PDCD6IP: variants seen among roughly 807,000 people sequenced by gnomAD.
PDCD6IP encodes the protein programmed cell death 6 interacting protein.
A neutral mutation model predicts 103.7 loss-of-function variants in PDCD6IP; 43 were observed. The ratio of observed to expected loss-of-function variants is 0.41; its 90% confidence interval spans 0.32 to 0.53. The LOEUF is 0.53. PDCD6IP is among the 20% of genes least tolerant of loss of function. PDCD6IP has a pLI of 0.16. For missense variants in PDCD6IP, 871 were observed against 1,036.7 expected (o/e 0.84, Z 2.20); for synonymous variants, 354 against 378.7 (o/e 0.93, Z 0.76).
chr3:33,799,141 C>T (rs1225564325), intron 1 of PDCD6IP: 5 of 597,754 alleles, frequency 8.4e-6, no homozygotes, highest in African/African-American at 3.7e-5. Context: ...CTTGTCCTGC[C>T]TGCACGTCTG....
intron 12 of PDCD6IP, among the ~76,000 whole-genome samples, chr3:33,847,525 T>C (rs1420619669): frequency 6.6e-6 from 1 of 152,228 alleles, no homozygotes; most frequent in East Asian, 1.9e-4. Flanking sequence ...TAATAGTTGA[T>C]GACGGATTTT....
At chr3:33,846,735 G>A (rs1197385218) in intron 12 of PDCD6IP, among the ~76,000 whole-genome samples, 1 of 152,184 alleles carries the variant, frequency 6.6e-6, no homozygotes, top group Non-Finnish European at 1.5e-5. Flanking sequence ...TTTTACTCCT[G>A]ATTTCTTGTG....
chr3:33,848,899 A>G (rs1310418494), intron 12 of PDCD6IP, among the ~76,000 whole-genome samples: 2 of 152,196 alleles, frequency 1.3e-5, no homozygotes, highest in African/African-American at 2.4e-5. Flanking sequence ...TTCATTTTTT[A>G]AATGGCTGAA....
intron 2 of PDCD6IP, chr3:33,813,324 A>G (rs973806960): frequency 1.1e-4 from 42 of 380,196 alleles, no homozygotes; most frequent in Middle Eastern, 1.4e-3. Context: ...GATGAATAAG[A>G]TAGTGTTTAT....
intron 7 of PDCD6IP, among the ~76,000 whole-genome samples, chr3:33,832,879 C>T (rs761622365): frequency 6.6e-6 from 1 of 151,918 alleles, no homozygotes; most frequent in Non-Finnish European, 1.5e-5. Flanking sequence ...GCATGTGTTT[C>T]TTCATATGAA....
chr3:33,859,304 G>A (rs949447915), intron 15 of PDCD6IP, among the ~76,000 whole-genome samples: 3 of 151,884 alleles, frequency 2.0e-5, no homozygotes, highest in Non-Finnish European at 4.4e-5. Flanking sequence ...TAATAAAGCT[G>A]GGATGAGCAG....
intron 3 of PDCD6IP, among the ~76,000 whole-genome samples, chr3:33,816,106 T>C (rs1575907393): frequency 6.6e-6 from 1 of 152,216 alleles, no homozygotes; most frequent in East Asian, 1.9e-4. Flanking sequence ...GTATTAGTAT[T>C]ACCTGGGAAA....
intron 6 of PDCD6IP, chr3:33,827,063 A>T (rs978799156): frequency 2.0e-6 from 2 of 985,278 alleles, no homozygotes; most frequent in African/African-American, 3.5e-5. Context: ...CAGTTTTGCC[A>T]ACAGGGATAA....
intron 15 of PDCD6IP, among the ~76,000 whole-genome samples, chr3:33,857,505 CAA>C (rs1697855458): frequency 1.3e-5 from 2 of 152,078 alleles, no homozygotes; most frequent in African/African-American, 4.8e-5. Context: ...AAAAACCTAA[CAA>C]AGATTAATAC....
intron 5 of PDCD6IP, 91 bp downstream of exon 5, chr3:33,825,431 C>A: frequency 1.8e-6 from 2 of 1,136,258 alleles, no homozygotes; most frequent in Non-Finnish European, 2.5e-6. Flanking sequence ...TGTTCAATGT[C>A]GAGCTGTCCT....
chr3:33,867,171 A>G lies in PDCD6IP; in HGVS notation c.*646A>G, dbSNP rs1698084475. ...TTTACAGGGAAATCAAAAGAATATT[A>G]TCATACTTTATCTTTCGTATGCTGA... is the stretch of plus-strand genomic sequence containing the variant. On this transcript the variant is annotated 3_prime_UTR_variant, in exon 18 of 18. Transcript: ENST00000307296. 1 of 152,180 alleles carries G rather than the reference A, an allele frequency of 6.6e-6. No homozygotes were observed. The highest frequency in any genetic ancestry group is 6.5e-5 in the Admixed American group (1 of 15,270). 9.4% of individuals were successfully genotyped at this position (152,180 alleles called of 1,614,324 possible).
At chr3:33,842,113 G>A (rs1472813508) in intron 10 of PDCD6IP, 39 bp downstream of exon 10, 1 of 1,161,798 alleles carries the variant, frequency 8.6e-7, no homozygotes, top group East Asian at 2.3e-5. Context: ...TATAAACACT[G>A]TGATCCCTTG....
At chr3:33,842,115 G>A (rs531693608) in intron 10 of PDCD6IP, 41 bp downstream of exon 10, 3 of 1,120,624 alleles carry the variant, frequency 2.7e-6, no homozygotes, top group African/African-American at 1.5e-5. Flanking sequence ...TAAACACTGT[G>A]ATCCCTTGAT....
At chr3:33,861,581 A>G (rs774688718) in intron 15 of PDCD6IP, among the ~76,000 whole-genome samples, 4 of 152,218 alleles carry the variant, frequency 2.6e-5, no homozygotes, top group Non-Finnish European at 4.4e-5. Context: ...GCTGTTGGGT[A>G]TATATCGAGG....
intron 6 of PDCD6IP, chr3:33,827,106 GC>G (rs1209404810): frequency 1.0e-6 from 1 of 985,236 alleles, no homozygotes; most frequent in African/African-American, 1.7e-5. Flanking sequence ...GCTAAGGAAA[GC>G]AACCATCTTA....
At chr3:33,807,895 A>G (rs1248584901) in intron 1 of PDCD6IP, among the ~76,000 whole-genome samples, 1 of 152,238 alleles carries the variant, frequency 6.6e-6, no homozygotes, top group Non-Finnish European at 1.5e-5. Flanking sequence ...CTGGCTTTAT[A>G]GCCATATTGG....
chr3:33,859,865 A>G (rs1697914197), intron 15 of PDCD6IP, among the ~76,000 whole-genome samples: 1 of 152,238 alleles, frequency 6.6e-6, no homozygotes, highest in African/African-American at 2.4e-5. Flanking sequence ...TAGAAATGAC[A>G]TATTTATGAG....
intron 4 of PDCD6IP, among the ~76,000 whole-genome samples, chr3:33,823,021 G>A (rs777980863): frequency 1.2e-4 from 18 of 152,034 alleles, no homozygotes; most frequent in Middle Eastern, 3.4e-3. Context: ...AATGATTACT[G>A]TTAAATAATA....
chr3:33,820,795 C>T (rs932519467), intron 3 of PDCD6IP, among the ~76,000 whole-genome samples: 2 of 152,132 alleles, frequency 1.3e-5, no homozygotes, highest in African/African-American at 4.8e-5. Flanking sequence ...TTTATATATT[C>T]ATCAGATCAC....
Sources: gnomAD v4.1 joint callset for allele counts (sites outside exome capture counted in the v4.1 genomes callset) on GRCh38, gnomAD v4.1.1 for gene constraint, MANE v1.5 for transcripts, NCBI Gene and HGNC (gene_info 2026-07-23, HGNC 2026-07-21) for gene names.